The following CACNA2D3 variants were observed in gnomAD, a reference collection of about 807,000 sequenced individuals.
CACNA2D3 encodes the protein voltage-dependent calcium channel subunit alpha-2/delta-3.
A neutral mutation model predicts 160.6 loss-of-function variants in CACNA2D3; 60 were observed. The ratio of observed to expected loss-of-function variants is 0.37; its 90% CI spans 0.30 to 0.46. The LOEUF is 0.46. CACNA2D3 is among the 20% of genes least tolerant of loss of function. CACNA2D3 has a pLI of 1.00. For missense variants in CACNA2D3, 1,205 were observed against 1,365.0 expected, an observed-to-expected ratio of 0.88 and a Z score of 1.85; for synonymous variants, 558 against 492.9, an observed-to-expected ratio of 1.13 and a Z score of -1.75.
At chr3:54,760,840 G>C (rs1361550939) in intron 12 of CACNA2D3, among the ~76,000 whole-genome samples, 3 of 152,168 alleles carry the variant, frequency 2.0e-5, no homozygotes, top group African/African-American at 7.2e-5. Flanking sequence ...ACTGGGAGAG[G>C]AATGGATTTG....
intron 4 of CACNA2D3, among the ~76,000 whole-genome samples, chr3:54,402,129 T>C (rs910326911): frequency 6.6e-6 from 1 of 152,064 alleles, no homozygotes; most frequent in Non-Finnish European, 1.5e-5. Flanking sequence ...CTATAGCATA[T>C]ATACCAATGA....
chr3:54,946,435 A>G (rs1470834104), intron 27 of CACNA2D3, among the ~76,000 whole-genome samples: 4 of 152,194 alleles, frequency 2.6e-5, no homozygotes, highest in African/African-American at 9.7e-5. Flanking sequence ...AGAGATCCTC[A>G]GTCAGTATTT....
rs1017194253 is a variant in CACNA2D3 at position 54,581,067 on chromosome 3, A to C, written c.889-736A>C. Among the ~76,000 whole-genome samples, 3 of 152,318 alleles carry C rather than the reference A, an allele frequency of 2.0e-5. No homozygotes were observed. In the East Asian group the frequency reaches 5.8e-4, roughly 29 times the overall value. On this transcript the variant is annotated intron_variant, in intron 8 of 37. Transcript: ENST00000474759. ...CCCGGGAACATTCATCTGCACAGCA[A>C]TGGGAGCTGTGAATAGGATTGACAA... is the stretch of plus-strand genomic sequence containing the variant.
At chr3:54,253,255 A>C (rs1269128827) in intron 2 of CACNA2D3, among the ~76,000 whole-genome samples, 1 of 152,172 alleles carries the variant, frequency 6.6e-6, no homozygotes, top group Non-Finnish European at 1.5e-5. Context: ...CCTTGCTATA[A>C]AGAAATACCT....
chr3:54,457,210 C>G (rs1175329109), intron 4 of CACNA2D3, among the ~76,000 whole-genome samples: 3 of 151,590 alleles, frequency 2.0e-5, no homozygotes, highest in Non-Finnish European at 4.4e-5. Flanking sequence ...ATAAACTTCC[C>G]TCTTAATACT....
At chr3:54,630,403 CTA>C (rs1699209673) in intron 10 of CACNA2D3, among the ~76,000 whole-genome samples, 1 of 152,174 alleles carries the variant, frequency 6.6e-6, no homozygotes, top group Admixed American at 6.5e-5. Context: ...TCCTAAGACA[CTA>C]TTTCCCATAG....
chr3:54,258,048 A>G (rs1702333707), intron 2 of CACNA2D3, among the ~76,000 whole-genome samples: 1 of 152,202 alleles, frequency 6.6e-6, no homozygotes, highest in Admixed American at 6.5e-5. Flanking sequence ...TGGTGCTGGA[A>G]GATAAAAGGG....
At chr3:54,288,396 A>G (rs1463903723) in intron 2 of CACNA2D3, among the ~76,000 whole-genome samples, 3 of 152,230 alleles carry the variant, frequency 2.0e-5, no homozygotes, top group Non-Finnish European at 2.9e-5. Flanking sequence ...CTCTGAATAG[A>G]CCAATAACAG....
intron 5 of CACNA2D3, among the ~76,000 whole-genome samples, chr3:54,556,854 C>T (rs977687389): frequency 2.0e-4 from 31 of 152,346 alleles, no homozygotes; most frequent in Middle Eastern, 3.4e-3. Flanking sequence ...CGTTTGCCTG[C>T]TCCCCATGGG....
At chr3:54,173,117 C>T (rs1048610334) in intron 2 of CACNA2D3, among the ~76,000 whole-genome samples, 1 of 152,186 alleles carries the variant, frequency 6.6e-6, no homozygotes, top group Non-Finnish European at 1.5e-5. Context: ...CATTCCTCCA[C>T]CTTGGGAGAG....
intron 3 of CACNA2D3, among the ~76,000 whole-genome samples, chr3:54,337,078 A>T (rs929948700): frequency 4.1e-5 from 6 of 146,860 alleles, no homozygotes; most frequent in African/African-American, 1.5e-4. Context: ...AACGAGACAT[A>T]GACAGACAGA....
rs1030641142 is a variant in CACNA2D3, at chr3:54,677,906, G to A, written c.1167+35665G>A. The stretch of plus-strand genomic sequence containing the variant: ...AAGGGCAATAGACCACAGTATTTAG[G>A]AGGGAAAGTTGAGTTACCTTTAGAG... On this transcript the variant is annotated intron_variant, in intron 11 of 37. Coordinates refer to ENST00000474759, the MANE Select transcript of CACNA2D3 (RefSeq NM_018398.3). Among the ~76,000 whole-genome samples the A allele has an allele frequency of 2.0e-5, 3 of 152,130 alleles. No individual in the cohort carries two copies. The East Asian group carries it at 5.8e-4, about 29-fold the overall frequency.
At chr3:55,052,877 C>G (rs1360571747) in intron 35 of CACNA2D3, among the ~76,000 whole-genome samples, 1 of 152,070 alleles carries the variant, frequency 6.6e-6, no homozygotes. Flanking sequence ...AGTATGCTTA[C>G]AATTAATGTG....
intron 35 of CACNA2D3, among the ~76,000 whole-genome samples, chr3:55,023,397 A>G (rs1216980717): frequency 6.6e-6 from 1 of 152,172 alleles, no homozygotes; most frequent in Non-Finnish European, 1.5e-5. Flanking sequence ...TAAACAATCT[A>G]TTGAGCTTTT....
At chr3:54,780,436 T>G (rs532103659) in intron 13 of CACNA2D3, among the ~76,000 whole-genome samples, 1 of 152,212 alleles carries the variant, frequency 6.6e-6, no homozygotes, top group African/African-American at 2.4e-5. Flanking sequence ...ATTACTTGGG[T>G]CTGATGGAAA....
At chr3:54,895,102 T>A (rs1700157994) in intron 25 of CACNA2D3, among the ~76,000 whole-genome samples, 1 of 152,182 alleles carries the variant, frequency 6.6e-6, no homozygotes, top group Admixed American at 6.5e-5. Context: ...GACCTACAAT[T>A]ACCTAGTTCT....
At chr3:54,383,954 TGTACA>T (rs1474164817) in intron 3 of CACNA2D3, among the ~76,000 whole-genome samples, 2 of 152,234 alleles carry the variant, frequency 1.3e-5, no homozygotes, top group Non-Finnish European at 2.9e-5. Context: ...TTTGCATGAC[TGTACA>T]GTATACATAT....
intron 27 of CACNA2D3, among the ~76,000 whole-genome samples, chr3:54,906,163 G>T (rs9878443): frequency 0.017 from 2,553 of 152,178 alleles, 70 homozygotes; most frequent in African/African-American, 0.059. Context: ...GCTTCCATTT[G>T]TGTGGCAGAT....
At chr3:54,473,525 T>A (rs1700774454) in intron 4 of CACNA2D3, among the ~76,000 whole-genome samples, 1 of 152,070 alleles carries the variant, frequency 6.6e-6, no homozygotes, top group African/African-American at 2.4e-5. Context: ...AAGCCAAAAT[T>A]GAGAAATGAG....
Sources: allele counts gnomAD v4.1 joint callset (sites outside exome capture counted in the v4.1 genomes callset), GRCh38; gene constraint gnomAD v4.1.1; transcripts MANE v1.5; gene names NCBI Gene and HGNC (gene_info 2026-07-23, HGNC 2026-07-21).